TMEM67: variants seen among roughly 807,000 people sequenced by gnomAD.
TMEM67 encodes transmembrane protein 67.
Under a neutral mutation model 136.6 loss-of-function variants are expected in TMEM67, and 124 were observed. The observed-to-expected ratio is 0.91, with a 90% confidence interval of 0.78 to 1.05. TMEM67 has a LOEUF of 1.05. Ranked by LOEUF, TMEM67 falls within the 50% of genes least tolerant of loss-of-function variation. TMEM67 has a pLI of 0.00. For synonymous variants in TMEM67, 364 were observed against 390.5 expected (o/e 0.93, Z 0.80); for missense variants, 1,107 against 1,178.4 (o/e 0.94, Z 0.89).
At chr8:93,801,179 G>C (rs1814853880) in intron 21 of TMEM67, among the ~76,000 whole-genome samples, 1 of 151,992 alleles carries the variant, frequency 6.6e-6, no homozygotes, top group Non-Finnish European at 1.5e-5. Context: ...CCTATAGCTG[G>C]CTAATAGCTA....
downstream of TMEM67, among the ~76,000 whole-genome samples, chr8:93,820,667 A>G (rs1041088154): frequency 2.0e-5 from 3 of 152,228 alleles, no homozygotes; most frequent in African/African-American, 7.2e-5. Flanking sequence ...TATTGGGAAG[A>G]TTAAATGAGT....
At chr8:93,825,871 A>G in the TMEM67 span, among the ~76,000 whole-genome samples, 954 of 152,254 alleles carry the variant, frequency 6.3e-3, 8 homozygotes, top group African/African-American at 0.022. Context: ...TCCTTTCCCA[A>G]TTGACCATTT....
chr8:93,769,817 A>G (rs1365289450), intron 6 of TMEM67, among the ~76,000 whole-genome samples: 1 of 152,258 alleles, frequency 6.6e-6, no homozygotes, highest in Non-Finnish European at 1.5e-5. Flanking sequence ...GTAATTGCCA[A>G]TTAGACTGAA....
chr8:93,816,077 G>A (rs138135293), intron 27 of TMEM67, among the ~76,000 whole-genome samples: 7 of 152,248 alleles, frequency 4.6e-5, no homozygotes, highest in African/African-American at 7.2e-5. Context: ...TGATGTTTCC[G>A]TAGTTTTAGA....
rs768370423 is a variant in TMEM67, at chr8:93,816,502, A to AT, written c.*50_*51insT. The AT allele has an allele frequency of 4.8e-5, 49 of 1,023,684 alleles. No homozygotes were observed. Among genetic ancestry groups the AT allele is most frequent in the Non-Finnish European group, 6.1e-6 (4 of 656,216 alleles). The allele number at this position is 1,023,684 out of a possible 1,614,324, so 63.4% of individuals were successfully genotyped here. A position where few individuals can be genotyped will look rare whatever the true frequency, so the allele number is the denominator to read the frequency against. On this transcript the variant is annotated 3_prime_UTR_variant, in exon 28 of 28. Transcript: ENST00000453321. ...CTCAGTATAATCATGGCCAAAAAAA[A>AT]GTCATGATATCAGGTTAGTTTGCCA...
intron 7 of TMEM67, among the ~76,000 whole-genome samples, chr8:93,777,287 C>A (rs1554551759): frequency 6.6e-6 from 1 of 151,970 alleles, no homozygotes; most frequent in Non-Finnish European, 1.5e-5. Flanking sequence ...TTTTGTTGAT[C>A]CTTTCAAAAA....
chr8:93,803,495 C>T, intron 21 of TMEM67, 109 bp from the exon 22 acceptor site: 2 of 681,942 alleles, frequency 2.9e-6, no homozygotes, highest in South Asian at 1.6e-5. Flanking sequence ...TGTTAAAGGC[C>T]ACTGTGCTTT....
intron 6 of TMEM67, chr8:93,769,622 C>T (rs966921969): frequency 6.0e-6 from 1 of 167,054 alleles, no homozygotes; most frequent in Non-Finnish European, 1.5e-5. Flanking sequence ...AACGTGTAAG[C>T]AAAATCTAGT....
chr8:93,772,444 CAT>C, intron 6 of TMEM67, 143 bp from the exon 7 acceptor site: 2 of 628,130 alleles, frequency 3.2e-6, no homozygotes, highest in South Asian at 4.1e-5. Context: ...TAATAACTGA[CAT>C]TGGTTAAAAT....
At chr8:93,807,736 G>A (rs1815219059) in intron 23 of TMEM67, among the ~76,000 whole-genome samples, 2 of 152,016 alleles carry the variant, frequency 1.3e-5, no homozygotes, top group Non-Finnish European at 2.9e-5. Context: ...TCCTTTAAGT[G>A]TATAGAAAGC....
chr8:93,822,698 A>G (rs1809058362), downstream of TMEM67, among the ~76,000 whole-genome samples: 1 of 152,188 alleles, frequency 6.6e-6, no homozygotes, highest in Non-Finnish European at 1.5e-5. Flanking sequence ...TCAGATGACT[A>G]CAGTGCATTC....
Position 93,804,518 on chromosome 8 carries a change from C to T in TMEM67, c.2323-244C>T, listed in dbSNP as rs73326938. ...TTTTTTTTTGTAGAGATAGAGTTTC[C>T]CTATGTTGCCCAGACTTGTTTCTCC... On this transcript the variant is annotated intron_variant, in intron 22 of 27. Transcript: ENST00000453321. 0.021 allele frequency among the ~76,000 whole-genome samples: 2,932 copies of T among 140,274 alleles called. 115 individuals carry two copies. The highest frequency in any genetic ancestry group is 0.074 in the African/African-American group (2,784 of 37,462). 92.0% of individuals were successfully genotyped at this position (140,274 alleles called of 152,430 possible). A position where few individuals can be genotyped will look rare whatever the true frequency, so the allele number is the denominator to read the frequency against.
At chr8:93,786,472 A>G (rs1045363270) in intron 13 of TMEM67, 126 bp downstream of exon 13, 20 of 1,085,402 alleles carry the variant, frequency 1.8e-5, no homozygotes, top group Non-Finnish European at 2.5e-5. Context: ...TTTTAGGTGT[A>G]TGTGTAGATT....
chr8:93,761,606 T>A (rs1812837140), intron 3 of TMEM67, among the ~76,000 whole-genome samples: 1 of 152,158 alleles, frequency 6.6e-6, no homozygotes, highest in Non-Finnish European at 1.5e-5. Context: ...ATCAATCAAT[T>A]AAATTATGAT....
intron 20 of TMEM67, 70 bp downstream of exon 20, chr8:93,797,540 A>G: frequency 6.8e-7 from 1 of 1,468,076 alleles, no homozygotes; most frequent in Non-Finnish European, 9.4e-7. Flanking sequence ...ATATAATTCC[A>G]ACTAAGTTTT....
rs1812953199 is a variant in TMEM67 at position 93,763,752 on chromosome 8, C to A, written c.407-90C>A. The A allele has an allele frequency of 1.2e-5, 10 of 824,172 alleles. No individual in the cohort carries two copies. In the South Asian group the frequency reaches 1.3e-4, roughly 11 times the overall value. 51.1% of individuals were successfully genotyped at this position (824,172 alleles called of 1,614,324 possible). A position where few individuals can be genotyped will look rare whatever the true frequency, so the allele number is the denominator to read the frequency against. On this transcript the variant is annotated intron_variant, in intron 3 of 27. Coordinates refer to ENST00000453321, the MANE Select transcript of TMEM67 (RefSeq NM_153704.6). ...TTGAGAATTAATAGAATAATAGTTA[C>A]AATTGGGTTTTGTTAAATATTTTCT...
At chr8:93,758,958 G>A (rs886494143) in intron 3 of TMEM67, 24 of 158,512 alleles carry the variant, frequency 1.5e-4, no homozygotes, top group Non-Finnish European at 2.8e-4. Flanking sequence ...AACATCAGCA[G>A]GCATTGAGAA....
At position 93,787,927 on chromosome 8, in the gene TMEM67, A is replaced by G. The variant is rs1234694477; in HGVS notation, c.1496A>G (p.Asp499Gly). The part of the protein sequence containing the change: ...TIAYSDIDIK[D>G]ANSQSVKVSF... ...GCCTACAGTGACATTGATATCAAAG[A>G]TGCCAACAGCCAGTCTGTGAAGGTG... Residue 499 changes from aspartate to glycine, a missense_variant, in exon 14 of 28, where the codon GAT becomes GGT. Asp to Gly is a moderately conservative substitution (Grantham distance 94, BLOSUM62 -1). Around this residue, in one of 3 missense-constraint regions of TMEM67, gnomAD observed 925 missense variants for 1,002.4 expected, o/e 0.92. Transcript: ENST00000453321. 1.2e-6 allele frequency: 2 copies of G among 1,613,688 alleles called. No homozygotes were observed. The highest frequency in any genetic ancestry group is 1.7e-5 in the Admixed American group (1 of 60,012).
chr8:93,755,197 G>A, intron 1 of TMEM67, 60 bp downstream of exon 1: 1 of 1,471,020 alleles, frequency 6.8e-7, no homozygotes, highest in Non-Finnish European at 9.5e-7. Context: ...TCGGCCCCTA[G>A]TCCCCGTAAA....
Sources: gnomAD v4.1 joint callset for allele counts (sites outside exome capture counted in the v4.1 genomes callset) on GRCh38, gnomAD v4.1.1 for gene constraint, gnomAD v4.1.1 regional missense constraint, MANE v1.5 for transcripts, NCBI Gene and HGNC (gene_info 2026-07-23, HGNC 2026-07-21) for gene names.